Variants in CTDSPL observed in about 807,000 individuals in gnomAD.
The protein encoded by CTDSPL is CTD small phosphatase like.
Under a neutral mutation model 30.5 loss-of-function variants are expected in CTDSPL, and 8 were observed. The observed-to-expected ratio is 0.26, with a 90% CI of 0.15 to 0.47. CTDSPL has a LOEUF of 0.47. CTDSPL is among the 20% of genes least tolerant of loss of function. The pLI is 0.99. For missense variants in CTDSPL, 248 were observed against 366.1 expected (o/e 0.68, Z 2.63); for synonymous variants, 110 against 137.9 (o/e 0.80, Z 1.42).
At chr3:37,910,818 T>G (rs1284721049) in intron 1 of CTDSPL, among the ~76,000 whole-genome samples, 1 of 152,048 alleles carries the variant, frequency 6.6e-6, no homozygotes, top group Non-Finnish European at 1.5e-5. Flanking sequence ...TTCTACAGGG[T>G]GGGTGCCATG....
chr3:37,976,152 T>C (rs1223757842), intron 7 of CTDSPL, among the ~76,000 whole-genome samples: 1 of 152,144 alleles, frequency 6.6e-6, no homozygotes, highest in Admixed American at 6.5e-5. Context: ...TGGCAATATA[T>C]AAAAAGCACT....
At chr3:37,967,726 A>G in intron 4 of CTDSPL, 100 bp from the exon 5 acceptor site, 1 of 795,512 alleles carries the variant, frequency 1.3e-6, no homozygotes, top group Non-Finnish European at 2.0e-6. Context: ...GTTTTTTCCA[A>G]TAACCAAAAC....
At chr3:37,964,724 G>T (rs1335157976) in intron 4 of CTDSPL, 52 bp downstream of exon 4, 1 of 1,396,360 alleles carries the variant, frequency 7.2e-7, no homozygotes, top group Non-Finnish European at 1.0e-6. Context: ...GATAACAATT[G>T]TATTGGAAAA....
At chr3:37,969,908 A>G (rs1699347313) in intron 5 of CTDSPL, among the ~76,000 whole-genome samples, 1 of 152,128 alleles carries the variant, frequency 6.6e-6, no homozygotes. Context: ...TCTGTATAGA[A>G]TTCCTCGGCC....
intron 1 of CTDSPL, among the ~76,000 whole-genome samples, chr3:37,879,360 G>A (rs1040707979): frequency 6.6e-6 from 1 of 152,188 alleles, no homozygotes; most frequent in African/African-American, 2.4e-5. Flanking sequence ...TCTCATTCCA[G>A]ACAACCTCCA....
intron 1 of CTDSPL, among the ~76,000 whole-genome samples, chr3:37,920,156 T>C (rs969339559): frequency 2.6e-5 from 4 of 152,166 alleles, no homozygotes; most frequent in African/African-American, 9.7e-5. Context: ...TCTGAAATTG[T>C]TCAGAGGAAC....
intron 1 of CTDSPL, among the ~76,000 whole-genome samples, chr3:37,882,441 C>CA (rs35235848): frequency 0.68 from 81,574 of 120,766 alleles, 27,210 homozygotes; most frequent in South Asian, 0.79. Context: ...GACTCTAACT[C>CA]AAAAAAAAAA....
intron 3 of CTDSPL, among the ~76,000 whole-genome samples, chr3:37,961,375 G>C (rs1408005826): frequency 6.6e-6 from 1 of 152,162 alleles, no homozygotes; most frequent in Non-Finnish European, 1.5e-5. Context: ...TGAAGTATGG[G>C]TGGTCATGAA....
At chr3:37,962,447 CTT>C (rs1012827879) in intron 3 of CTDSPL, among the ~76,000 whole-genome samples, 1 of 152,220 alleles carries the variant, frequency 6.6e-6, no homozygotes, top group African/African-American at 2.4e-5. Context: ...CCTTCTCCAT[CTT>C]TTCTCTCTTA....
chr3:37,879,166 C>CCAA (rs1698172911), intron 1 of CTDSPL, among the ~76,000 whole-genome samples: 2 of 152,214 alleles, frequency 1.3e-5, no homozygotes, highest in Non-Finnish European at 2.9e-5. Flanking sequence ...TGAAACTTTC[C>CCAA]TAAGAGTGAA....
chr3:37,885,673 C>T (rs1241326538), intron 1 of CTDSPL, among the ~76,000 whole-genome samples: 1 of 151,878 alleles, frequency 6.6e-6, no homozygotes, highest in South Asian at 2.1e-4. Flanking sequence ...GATCTGGAAA[C>T]GAAGAAGAAT....
At chr3:37,964,765 G>A in intron 4 of CTDSPL, 93 bp downstream of exon 4, 1 of 962,478 alleles carries the variant, frequency 1.0e-6, no homozygotes, top group Non-Finnish European at 1.6e-6. Flanking sequence ...AGCTTATGGT[G>A]GTTAGTGTGT....
chr3:37,893,873 C>T (rs1698360683), intron 1 of CTDSPL, among the ~76,000 whole-genome samples: 1 of 152,142 alleles, frequency 6.6e-6, no homozygotes, highest in South Asian at 2.1e-4. Flanking sequence ...TTTTTCCCCC[C>T]AGCCCACATG....
intron 1 of CTDSPL, among the ~76,000 whole-genome samples, chr3:37,904,061 C>T (rs146520436): frequency 2.4e-3 from 373 of 152,316 alleles, no homozygotes; most frequent in Middle Eastern, 0.01. Context: ...TCAACCTGTC[C>T]AAGGCTGGAA....
At chr3:37,900,118 T>A (rs923956922) in intron 1 of CTDSPL, among the ~76,000 whole-genome samples, 2 of 152,204 alleles carry the variant, frequency 1.3e-5, no homozygotes, top group Non-Finnish European at 2.9e-5. Flanking sequence ...GCTTTATCAC[T>A]GAATTACACC....
intron 1 of CTDSPL, chr3:37,911,636 TTGTC>T: frequency 2.2e-6 from 1 of 455,034 alleles, no homozygotes; most frequent in Non-Finnish European, 4.4e-6. Context: ...AGAAAAATGT[TTGTC>T]TGGTTGAACG....
intron 1 of CTDSPL, among the ~76,000 whole-genome samples, chr3:37,875,316 G>A (rs1412091208): frequency 2.0e-5 from 3 of 152,172 alleles, no homozygotes; most frequent in Non-Finnish European, 4.4e-5. Flanking sequence ...CTGAGTAACT[G>A]CTTCTAGTTA....
chr3:37,886,257 A>ACCATCTTAC (rs1698262059), intron 1 of CTDSPL, among the ~76,000 whole-genome samples: 1 of 151,998 alleles, frequency 6.6e-6, no homozygotes, highest in South Asian at 2.1e-4. Flanking sequence ...GTAACCTAGA[A>ACCATCTTAC]CCATCTTACC....
intron 2 of CTDSPL, among the ~76,000 whole-genome samples, chr3:37,952,399 G>A (rs1285945161): frequency 6.6e-6 from 1 of 152,148 alleles, no homozygotes; most frequent in African/African-American, 2.4e-5. Context: ...CCCTATCCTT[G>A]GTATGTTTGC....
Sources: gnomAD v4.1 joint callset for allele counts (sites outside exome capture counted in the v4.1 genomes callset) on GRCh38, gnomAD v4.1.1 for gene constraint, MANE v1.5 for transcripts, NCBI Gene and HGNC (gene_info 2026-07-23, HGNC 2026-07-21) for gene names.